VAV3: variants seen among roughly 807,000 people sequenced by gnomAD.
The protein encoded by VAV3 is guanine nucleotide exchange factor VAV3.
Under a neutral mutation model 131.2 loss-of-function variants are expected in VAV3, and 94 were observed. The observed-to-expected ratio is 0.72, with a 90% CI of 0.61 to 0.85. VAV3 has a LOEUF of 0.85. Ranked by LOEUF, VAV3 falls within the 40% of genes least tolerant of loss-of-function variation. The pLI is 0.00. For synonymous variants in VAV3, 349 were observed against 342.0 expected (o/e 1.02, Z -0.22); for missense variants, 939 against 1,002.7 (o/e 0.94, Z 0.86).
chr1:107,821,803 G>A (rs560001752), intron 2 of VAV3, among the ~76,000 whole-genome samples: 21 of 152,326 alleles, frequency 1.4e-4, no homozygotes, highest in Non-Finnish European at 8.8e-5. Context: ...TAATGTAACC[G>A]AAATGCAGGT....
intron 1 of VAV3, among the ~76,000 whole-genome samples, chr1:107,886,274 T>C (rs1029467653): frequency 1.1e-4 from 16 of 152,208 alleles, no homozygotes; most frequent in African/African-American, 3.9e-4. Context: ...ATGAAGAAGA[T>C]GCCATTATTC....
chr1:107,761,031 A>T (rs188265533), intron 9 of VAV3, 152 bp from the exon 10 acceptor site: 19 of 512,274 alleles, frequency 3.7e-5, no homozygotes, highest in African/African-American at 2.7e-4. Flanking sequence ...CTTCAATTTA[A>T]AAAAACAAAT....
At chr1:107,896,463 T>G (rs1671582766) in intron 1 of VAV3, among the ~76,000 whole-genome samples, 1 of 152,234 alleles carries the variant, frequency 6.6e-6, no homozygotes, top group African/African-American at 2.4e-5. Flanking sequence ...GTACTGTTAT[T>G]ATTGTTCTGT....
At chr1:107,692,070 T>A (rs1207579397) in intron 17 of VAV3, among the ~76,000 whole-genome samples, 5 of 152,112 alleles carry the variant, frequency 3.3e-5, no homozygotes, top group Admixed American at 1.3e-4. Flanking sequence ...AGACTGCCTA[T>A]CTCAACAGGG....
chr1:107,964,919 GGCCGCCGCC>G lies in VAV3; in HGVS notation c.-59_-51del, dbSNP rs71796067. 3.6e-5 allele frequency: 42 copies of G among 1,170,520 alleles called. No homozygotes were observed. In the African/African-American group the frequency reaches 4.2e-4, roughly 12 times the overall value. 72.5% of individuals were successfully genotyped at this position (1,170,520 alleles called of 1,614,324 possible). On this transcript the variant is annotated 5_prime_UTR_variant, in exon 1 of 27. Transcript: ENST00000370056. Reference sequence around the variant, plus strand: ...GGGCCGGGGCGGGCGGCAAGGATGCGGCCGCCGCCGCCGCCGCCGCGGTTCCTCCGCGCC... The same window carrying G: ...GGGCCGGGGCGGGCGGCAAGGATGCGGCCGCCGCCGCGGTTCCTCCGCGCC...
intron 19 of VAV3, among the ~76,000 whole-genome samples, chr1:107,671,859 A>G (rs1657822870): frequency 6.6e-6 from 1 of 152,226 alleles, no homozygotes; most frequent in Admixed American, 6.5e-5. Flanking sequence ...TATACAGAAC[A>G]TGTATTGTGA....
intron 1 of VAV3, among the ~76,000 whole-genome samples, chr1:107,912,468 A>G (rs1672417839): frequency 6.6e-6 from 1 of 152,178 alleles, no homozygotes; most frequent in Non-Finnish European, 1.5e-5. Flanking sequence ...TAGAAAATAA[A>G]ATTGTAAGAG....
rs78993432 is a variant in VAV3, at chr1:107,915,416, C to T, written c.205-40399G>A. On this transcript the variant is annotated intron_variant, in intron 1 of 26. Transcript: ENST00000370056. ...CCAGGTGCAAGTTATGACTATCACC[C>T]CCATGTGATTTACTGGCTGGAAGTA... Among the ~76,000 whole-genome samples, 549 of 152,148 alleles carry T rather than the reference C, an allele frequency of 3.6e-3. 6 individuals are homozygous for T. The highest frequency in any genetic ancestry group is 0.013 in the African/African-American group (522 of 41,488).
At chr1:107,942,634 T>A (rs1011866608) in intron 1 of VAV3, among the ~76,000 whole-genome samples, 5 of 152,216 alleles carry the variant, frequency 3.3e-5, no homozygotes, top group African/African-American at 1.2e-4. Flanking sequence ...GTCTTTTCAG[T>A]CTACTACTGC....
intron 19 of VAV3, 63 bp downstream of exon 19, chr1:107,683,425 C>T: frequency 1.9e-6 from 3 of 1,581,856 alleles, no homozygotes; most frequent in Non-Finnish European, 2.6e-6. Context: ...ACAGCAATTC[C>T]CATATCCTTT....
chr1:107,658,726 T>C (rs537561820), intron 19 of VAV3, among the ~76,000 whole-genome samples: 1 of 152,344 alleles, frequency 6.6e-6, no homozygotes, highest in African/African-American at 2.4e-5. Context: ...TTCATGTGTT[T>C]TTTGGCTGCA....
At chr1:107,862,203 G>A (rs953373279) in intron 2 of VAV3, among the ~76,000 whole-genome samples, 2 of 151,434 alleles carry the variant, frequency 1.3e-5, no homozygotes, top group South Asian at 2.1e-4. Flanking sequence ...GGAAGCCTGC[G>A]CAGCCGGACT....
intron 2 of VAV3, among the ~76,000 whole-genome samples, chr1:107,843,827 C>T (rs1668840413): frequency 6.6e-6 from 1 of 152,014 alleles, no homozygotes; most frequent in African/African-American, 2.4e-5. Flanking sequence ...AAACGTACCC[C>T]TACAGAGCGG....
chr1:107,845,265 G>C (rs571420595), intron 2 of VAV3, among the ~76,000 whole-genome samples: 2 of 152,260 alleles, frequency 1.3e-5, no homozygotes, highest in African/African-American at 4.8e-5. Context: ...TCAACGAAAA[G>C]GACGTCCACA....
intron 18 of VAV3, among the ~76,000 whole-genome samples, chr1:107,686,871 G>A (rs1391928116): frequency 1.3e-5 from 2 of 151,982 alleles, no homozygotes; most frequent in Admixed American, 1.3e-4. Flanking sequence ...CTTTCTGTAA[G>A]CACACCCACT....
At chr1:107,864,151 A>G (rs887463979) in intron 2 of VAV3, among the ~76,000 whole-genome samples, 1 of 152,240 alleles carries the variant, frequency 6.6e-6, no homozygotes, top group Admixed American at 6.5e-5. Flanking sequence ...ATTACTTTAC[A>G]AAATGCAATG....
chr1:107,768,145 G>T (rs1664837363), intron 7 of VAV3, among the ~76,000 whole-genome samples: 1 of 152,106 alleles, frequency 6.6e-6, no homozygotes, highest in Non-Finnish European at 1.5e-5. Flanking sequence ...GATGGAAGTG[G>T]ATCCCCAGAT....
At chr1:107,669,428 T>C (rs1276685052) in intron 19 of VAV3, 1 of 1,289,688 alleles carries the variant, frequency 7.8e-7, no homozygotes, top group South Asian at 1.2e-5. Context: ...ATGCTTCTAG[T>C]AGCAGGGGCC....
chr1:107,655,217 CA>C (rs1342039334), intron 19 of VAV3, among the ~76,000 whole-genome samples: 1 of 151,980 alleles, frequency 6.6e-6, no homozygotes. Context: ...TACCTGACTT[CA>C]AAATATAATA....
Sources: gnomAD v4.1 joint callset for allele counts (sites outside exome capture counted in the v4.1 genomes callset) on GRCh38, gnomAD v4.1.1 for gene constraint, MANE v1.5 for transcripts, NCBI Gene and HGNC (gene_info 2026-07-23, HGNC 2026-07-21) for gene names.